NRK: variants seen among roughly 807,000 people sequenced by gnomAD.
NRK encodes the protein nik-related protein kinase.
A neutral mutation model predicts 125.2 loss-of-function variants in NRK; 67 were observed. The ratio of observed to expected loss-of-function variants is 0.54; its 90% confidence interval spans 0.44 to 0.66. The LOEUF is 0.66. Ranked by LOEUF, NRK falls within the 30% of genes least tolerant of loss-of-function variation. The probability of loss-of-function intolerance (pLI) is 0.00; values close to 1 mark genes in which losing one functional copy is unlikely to be tolerated. For missense variants in NRK, 1,224 were observed against 1,192.9 expected, an observed-to-expected ratio of 1.03 and a Z score of -0.38; for synonymous variants, 458 against 429.0, an observed-to-expected ratio of 1.07 and a Z score of -0.84.
At chrX:105,851,979 C>G (rs760925752) in intron 2 of NRK, among the ~76,000 whole-genome samples, 1 of 111,832 alleles carries the variant, frequency 8.9e-6, no homozygotes, top group Admixed American at 9.5e-5. Flanking sequence ...TTGATTTGGC[C>G]CATTCAGTGA....
rs1174621945 is a variant in NRK, at chrX:105,947,113, T to G, written c.4353+649T>G. Among the ~76,000 whole-genome samples the G allele has an allele frequency of 6.3e-5, 7 of 111,915 alleles. No individual in the cohort carries two copies. The South Asian group carries it at 1.5e-3, about 23-fold the overall frequency. On this transcript the variant is annotated intron_variant, in intron 26 of 28. Coordinates refer to ENST00000243300, the MANE Select transcript of NRK (RefSeq NM_198465.4). ...ATAGTTAGAATTTCTGATCAAAAGA[T>G]TCAGCATTTTAAAAGCAGATACTCC... is the stretch of plus-strand genomic sequence containing the variant.
Position 105,871,816 on chromosome X carries a change from C to T in NRK, c.124-8383C>T, listed in dbSNP as rs1383132197. Among the ~76,000 whole-genome samples the T allele has an allele frequency of 7.2e-5, 8 of 111,711 alleles. No individual in the cohort carries two copies. The Admixed American group carries it at 7.6e-4, about 11-fold the overall frequency. ...CCTCGTGATACATGTGAAGATAGGA[C>T]ATTTCTCCATAGAGGTTTAAAAGTG... On this transcript the variant is annotated intron_variant, in intron 2 of 28. Coordinates refer to ENST00000243300, the MANE Select transcript of NRK (RefSeq NM_198465.4).
intron 1 of NRK, among the ~76,000 whole-genome samples, chrX:105,829,934 A>G (rs947745885): frequency 1.8e-5 from 2 of 110,898 alleles, no homozygotes; most frequent in Non-Finnish European, 3.8e-5. Context: ...CTAATGCCAA[A>G]ACCGCAGTTA....
chrX:105,934,601 C>T (rs1276743355), intron 20 of NRK, among the ~76,000 whole-genome samples, 157 bp downstream of exon 20: 2 of 112,058 alleles, frequency 1.8e-5, no homozygotes, highest in Admixed American at 1.9e-4. Flanking sequence ...CTACTCTTTA[C>T]TGAATCTTTA....
chrX:105,846,919 C>T (rs906616823), intron 2 of NRK, among the ~76,000 whole-genome samples: 41 of 111,820 alleles, frequency 3.7e-4, no homozygotes, highest in African/African-American at 1.3e-3. Flanking sequence ...ATTTGATCCT[C>T]ATAGGAATCC....
At chrX:105,874,703 A>G (rs938810120) in intron 2 of NRK, among the ~76,000 whole-genome samples, 8 of 111,861 alleles carry the variant, frequency 7.2e-5, no homozygotes, top group African/African-American at 2.6e-4. Flanking sequence ...GACATGCAAC[A>G]TATTCTTTTC....
chrX:105,950,574 GTGTGGAGAGA>G (rs777829077), intron 27 of NRK, among the ~76,000 whole-genome samples: 3 of 94,074 alleles, frequency 3.2e-5, no homozygotes, highest in Non-Finnish European at 4.2e-5. Context: ...GTGTGTGTGT[GTGTGGAGAGA>G]GAGAGAGAGA....
chrX:105,908,985 A>T lies in NRK; in HGVS notation c.1344A>T (p.Pro448=), dbSNP rs778641214. The T allele has an allele frequency of 8.3e-7, 1 of 1,209,804 alleles. No individual in the cohort carries two copies. Residue 448 remains proline, a synonymous_variant, in exon 13 of 29, where the codon CCA becomes CCT. Transcript: ENST00000243300. ...RLQGAARVFM[P]LQAQVKAKAS... ...AAGGGGCAGCTCGGGTGTTCATGCC[A>T]CTACAGGCTCAGGTGAAGGCTAAGG...
chrX:105,903,003 T>G (rs1022896515), intron 9 of NRK, among the ~76,000 whole-genome samples: 5 of 111,321 alleles, frequency 4.5e-5, no homozygotes, highest in Non-Finnish European at 7.5e-5. Context: ...TGGGTAGGAA[T>G]TCAAACAATA....
intron 5 of NRK, among the ~76,000 whole-genome samples, chrX:105,893,456 G>A (rs910757668): frequency 1.6e-4 from 18 of 111,436 alleles, no homozygotes; most frequent in African/African-American, 3.3e-4. Context: ...CATTCCAGTC[G>A]TCACTTAGGT....
intron 16 of NRK, among the ~76,000 whole-genome samples, chrX:105,920,292 T>C (rs1218404241): frequency 9.2e-6 from 1 of 108,198 alleles, no homozygotes; most frequent in East Asian, 2.9e-4. Context: ...TTTTGGTTAC[T>C]GTAGCCTTGT....
chrX:105,823,022 G>A (rs2039043033), intron 1 of NRK, 120 bp downstream of exon 1: 5 of 663,992 alleles, frequency 7.5e-6, no homozygotes, highest in African/African-American at 4.5e-5. Flanking sequence ...GGTCCCCCGG[G>A]CGCGGAAGGG....
intron 26 of NRK, chrX:105,948,587 C>T (rs1485125523): frequency 2.2e-6 from 1 of 457,362 alleles, no homozygotes; most frequent in Non-Finnish European, 3.8e-6. Context: ...ACCTTCTTTC[C>T]TGCAATTTCT....
At chrX:105,951,529 T>C (rs760009888) in intron 27 of NRK, among the ~76,000 whole-genome samples, 4 of 112,237 alleles carry the variant, frequency 3.6e-5, no homozygotes, top group Admixed American at 2.8e-4. Flanking sequence ...ATTAAGGAGA[T>C]CAATTACTGT....
chrX:105,945,779 G>A, intron 24 of NRK, 93 bp from the exon 25 acceptor site: 1 of 747,726 alleles, frequency 1.3e-6, no homozygotes. Flanking sequence ...ATCCTGTTTG[G>A]CCTTTTGTTT....
At chrX:105,932,003 G>C (rs1011828873) in intron 19 of NRK, among the ~76,000 whole-genome samples, 1 of 110,128 alleles carries the variant, frequency 9.1e-6, no homozygotes, top group Non-Finnish European at 1.9e-5. Flanking sequence ...ATTAAGTCTT[G>C]TTTCCCCCCT....
At chrX:105,948,337 A>G (rs958448226) in intron 26 of NRK, 2 of 141,969 alleles carry the variant, frequency 1.4e-5, no homozygotes, top group Admixed American at 8.7e-5. Context: ...TAAATACTCT[A>G]GTGTCTTGAC....
At chrX:105,854,191 G>A (rs1199776276) in intron 2 of NRK, among the ~76,000 whole-genome samples, 1 of 112,092 alleles carries the variant, frequency 8.9e-6, no homozygotes, top group Non-Finnish European at 1.9e-5. Context: ...AAAGTTGTAG[G>A]ATTCCCTCTC....
intron 2 of NRK, among the ~76,000 whole-genome samples, chrX:105,857,116 T>C (rs382243): frequency 0.2 from 22,326 of 111,068 alleles, 1,650 homozygotes; most frequent in Middle Eastern, 0.31. Flanking sequence ...AACCAGCATA[T>C]TGAAGAAATT....
Sources: allele counts gnomAD v4.1 joint callset (sites outside exome capture counted in the v4.1 genomes callset), GRCh38; gene constraint gnomAD v4.1.1; transcripts MANE v1.5; gene names NCBI Gene and HGNC (gene_info 2026-07-23, HGNC 2026-07-21).